SYT13: variants seen among roughly 807,000 people sequenced by gnomAD.
SYT13 encodes synaptotagmin 13.
A neutral mutation model predicts 38.6 loss-of-function variants in SYT13; 21 were observed. The ratio of observed to expected loss-of-function variants is 0.54; its 90% CI spans 0.39 to 0.78. The LOEUF is 0.78. Among genes scored for constraint, SYT13 ranks in the 30% least tolerant of loss-of-function variants. SYT13 has a pLI of 0.00. For missense variants in SYT13, 495 were observed against 548.7 expected (o/e 0.90, Z 0.98); for synonymous variants, 241 against 237.6 (o/e 1.01, Z -0.13).
intron 1 of SYT13, among the ~76,000 whole-genome samples, chr11:45,276,530 A>C (rs781305917): frequency 1.3e-5 from 2 of 152,146 alleles, no homozygotes; most frequent in African/African-American, 2.4e-5. Flanking sequence ...ATGTATATCT[A>C]TGTAACAAAC....
At chr11:45,254,070 A>G in intron 3 of SYT13, 200 bp downstream of exon 3, 1 of 494,892 alleles carries the variant, frequency 2.0e-6, no homozygotes, top group Non-Finnish European at 3.2e-6. Flanking sequence ...AACGTTTGTC[A>G]ACCAGGAATC....
At chr11:45,270,048 T>G (rs1043439392) in intron 1 of SYT13, among the ~76,000 whole-genome samples, 6 of 152,208 alleles carry the variant, frequency 3.9e-5, no homozygotes, top group African/African-American at 1.4e-4. Flanking sequence ...CCATCTCCAG[T>G]GGCCACAACA....
chr11:45,260,717 C>T (rs554820813), intron 1 of SYT13, among the ~76,000 whole-genome samples: 4 of 152,346 alleles, frequency 2.6e-5, no homozygotes, highest in Admixed American at 2.6e-4. Flanking sequence ...CTTGGCATTG[C>T]ATGCACATCT....
chr11:45,264,940 G>C (rs1477214419), intron 1 of SYT13, among the ~76,000 whole-genome samples: 1 of 152,170 alleles, frequency 6.6e-6, no homozygotes, highest in Non-Finnish European at 1.5e-5. Context: ...TTTCTTAAAA[G>C]TTAAACATAA....
chr11:45,276,466 A>G (rs1047146407), intron 1 of SYT13, among the ~76,000 whole-genome samples: 2 of 152,172 alleles, frequency 1.3e-5, no homozygotes, highest in Non-Finnish European at 2.9e-5. Context: ...TAGCATTAGG[A>G]GAAATACCCA....
At chr11:45,256,691 G>T (rs1854751498) in intron 1 of SYT13, among the ~76,000 whole-genome samples, 1 of 152,154 alleles carries the variant, frequency 6.6e-6, no homozygotes, top group African/African-American at 2.4e-5. Context: ...TGAGATCTAT[G>T]AGCACAGGAA....
At position 45,285,863 on chromosome 11, in the gene SYT13, C is replaced by A. The variant is rs1356545985; in HGVS notation, c.183+162G>T. On this transcript the variant is annotated intron_variant, in intron 1 of 5. Transcript: ENST00000020926. ...CCCCTAGCCTCCCCCATCCCCCTACCTTTTTGACTCCTTGACCTGTCCTCC... is the reference window on the plus strand; with the variant it reads ...CCCCTAGCCTCCCCCATCCCCCTACATTTTTGACTCCTTGACCTGTCCTCC... The A allele has an allele frequency of 5.7e-6, 5 of 879,138 alleles. No individual in the cohort carries two copies. The African/African-American group carries it at 8.3e-5, about 15-fold the overall frequency. The allele number at this position is 879,138 out of a possible 1,614,324, so 54.5% of individuals were successfully genotyped here.
At chr11:45,260,147 A>T (rs1339919072) in intron 1 of SYT13, among the ~76,000 whole-genome samples, 1 of 152,184 alleles carries the variant, frequency 6.6e-6, no homozygotes, top group Non-Finnish European at 1.5e-5. Flanking sequence ...AGCCCAAGGC[A>T]TCCTCATTTG....
intron 1 of SYT13, among the ~76,000 whole-genome samples, chr11:45,267,321 G>A (rs76613466): frequency 0.015 from 2,281 of 152,290 alleles, 46 homozygotes; most frequent in African/African-American, 0.046. Context: ...CCCCTAAGGC[G>A]GATGCCCAGG....
intron 4 of SYT13, among the ~76,000 whole-genome samples, chr11:45,250,736 A>T (rs535576990): frequency 6.6e-6 from 1 of 152,188 alleles, no homozygotes; most frequent in Admixed American, 6.5e-5. Context: ...GGGAAAGAGG[A>T]AAAAATGGAG....
rs1464794895 is a variant in SYT13, at chr11:45,242,075, C to G, written c.*1977G>C. ...CCTGCTCAGATTCTCAGGGAGAGGC[C>G]AAGTATGACTTGACTTGTTGAAGGA... On this transcript the variant is annotated 3_prime_UTR_variant, in exon 6 of 6. Transcript: ENST00000020926. 6.6e-6 allele frequency: 1 copy of G among 152,148 alleles called. No homozygotes were observed. Among genetic ancestry groups the G allele is most frequent in the African/African-American group, 2.4e-5 (1 of 41,418 alleles). 9.4% of individuals were successfully genotyped at this position (152,148 alleles called of 1,614,324 possible).
In SYT13 at chr11:45,252,733, G is replaced by T. The variant is rs367645212; in HGVS notation, c.545-11C>A. On this transcript the variant is annotated splice_polypyrimidine_tract_variant and intron_variant, in intron 3 of 5. Transcript: ENST00000020926. The surrounding 1 kb of genome is among the most constrained non-coding windows in gnomAD (Gnocchi z 4.3). ...GGTTGCTGGTCACAGCTGCAGGCAAGGAGAACAACACAGGCGTGGGACTTT... is the reference window on the plus strand; with the variant it reads ...GGTTGCTGGTCACAGCTGCAGGCAATGAGAACAACACAGGCGTGGGACTTT... 1.9e-6 allele frequency: 3 copies of T among 1,560,580 alleles called. No homozygotes were observed. Among genetic ancestry groups the T allele is most frequent in the African/African-American group, 1.4e-5 (1 of 74,014 alleles).
chr11:45,275,684 G>A (rs906533103), intron 1 of SYT13, among the ~76,000 whole-genome samples: 2 of 152,154 alleles, frequency 1.3e-5, no homozygotes, highest in African/African-American at 4.8e-5. Flanking sequence ...GGTTCATTGT[G>A]TGGGCAGCAA....
chr11:45,242,188 T>C lies in SYT13; in HGVS notation c.*1864A>G, dbSNP rs991905499. ...TGAAGGCCCAGAGTTTTAATATTAA[T>C]AGAGAGGGGTCCAAAGGCAGAATCC... On this transcript the variant is annotated 3_prime_UTR_variant, in exon 6 of 6. Transcript: ENST00000020926. The C allele has an allele frequency of 4.6e-5, 7 of 152,108 alleles. No homozygotes were observed. Among genetic ancestry groups the C allele is most frequent in the African/African-American group, 9.7e-5 (4 of 41,410 alleles). 9.4% of individuals were successfully genotyped at this position (152,108 alleles called of 1,614,324 possible).
intron 1 of SYT13, among the ~76,000 whole-genome samples, chr11:45,261,451 A>G (rs1854814048): frequency 6.6e-6 from 1 of 152,116 alleles, no homozygotes; most frequent in Non-Finnish European, 1.5e-5. Flanking sequence ...CACAAAAATT[A>G]GCTGGACATG....
chr11:45,278,514 T>C (rs1855035589), intron 1 of SYT13, among the ~76,000 whole-genome samples: 1 of 152,166 alleles, frequency 6.6e-6, no homozygotes. Flanking sequence ...CTTTCAGGTG[T>C]TTCCTTCGTC....
chr11:45,255,210 T>C (rs1470998289), intron 2 of SYT13, among the ~76,000 whole-genome samples: 2 of 152,104 alleles, frequency 1.3e-5, no homozygotes, highest in Admixed American at 6.5e-5. Flanking sequence ...GAATTAAGCA[T>C]TCTATGTGTG....
chr11:45,254,245 C>G, intron 3 of SYT13, 25 bp downstream of exon 3: 1 of 1,592,512 alleles, frequency 6.3e-7, no homozygotes, highest in East Asian at 2.2e-5. Context: ...CACAGAAGCC[C>G]ACGAGAGTCA....
chr11:45,242,597 A>G lies in SYT13; in HGVS notation c.*1455T>C, dbSNP rs554407005. ...AAAAAAAGGTGAAAAATAGTAACTT[A>G]GCTTAAAGATGATCTGCTGGTGGCC... On this transcript the variant is annotated 3_prime_UTR_variant, in exon 6 of 6. Coordinates refer to ENST00000020926, the MANE Select transcript of SYT13 (RefSeq NM_020826.3). 6 of 152,276 alleles carry G rather than the reference A, an allele frequency of 3.9e-5. No homozygotes were observed. The highest frequency in any genetic ancestry group is 1.4e-4 in the African/African-American group (6 of 41,530). The allele number at this position is 152,276 out of a possible 1,614,324, so 9.4% of individuals were successfully genotyped here. A position where few individuals can be genotyped will look rare whatever the true frequency, so the allele number is the denominator to read the frequency against.
Sources: allele counts gnomAD v4.1 joint callset (sites outside exome capture counted in the v4.1 genomes callset), GRCh38; gene constraint gnomAD v4.1.1; non-coding constraint Gnocchi (gnomAD v3.1); transcripts MANE v1.5; gene names NCBI Gene and HGNC (gene_info 2026-07-23, HGNC 2026-07-21).